The following PPARGC1B variants were observed in gnomAD, a reference collection of about 807,000 sequenced individuals.
PPARGC1B encodes peroxisome proliferator-activated receptor gamma coactivator 1-beta.
PPARGC1B carries 34 observed loss-of-function variants against 101.6 expected under a neutral mutation model. The observed-to-expected ratio is 0.33, with a 90% CI of 0.25 to 0.45. The LOEUF (loss-of-function observed/expected upper bound fraction) is 0.45. Ranked by LOEUF, PPARGC1B falls within the 20% of genes least tolerant of loss-of-function variation. PPARGC1B has a pLI of 1.00. For synonymous variants in PPARGC1B, 548 were observed against 539.3 expected, an observed-to-expected ratio of 1.02 and a Z score of -0.22; for missense variants, 1,234 against 1,317.6, an observed-to-expected ratio of 0.94 and a Z score of 0.98.
At chr5:149,759,410 T>G (rs769060957) in intron 1 of PPARGC1B, among the ~76,000 whole-genome samples, 9 of 152,032 alleles carry the variant, frequency 5.9e-5, no homozygotes, top group Non-Finnish European at 1.3e-4. Context: ...TTGGAGTGGA[T>G]GGGAGGGGTG....
intron 1 of PPARGC1B, among the ~76,000 whole-genome samples, chr5:149,818,133 G>T (rs980915497): frequency 6.6e-6 from 1 of 152,216 alleles, no homozygotes; most frequent in African/African-American, 2.4e-5. Flanking sequence ...TGGGCTTGTG[G>T]GGAGAGCGGT....
chr5:149,799,343 T>C (rs890830272), intron 1 of PPARGC1B, among the ~76,000 whole-genome samples: 1 of 152,160 alleles, frequency 6.6e-6, no homozygotes, highest in African/African-American at 2.4e-5. Flanking sequence ...GATTCTCTGC[T>C]CTCCTCTTCT....
At chr5:149,772,661 T>C (rs1756178945) in intron 1 of PPARGC1B, among the ~76,000 whole-genome samples, 1 of 152,220 alleles carries the variant, frequency 6.6e-6, no homozygotes, top group South Asian at 2.1e-4. Flanking sequence ...GCACCAGTCA[T>C]ATTAAATTAG....
intron 3 of PPARGC1B, among the ~76,000 whole-genome samples, chr5:149,829,160 A>G (rs1561600505): frequency 1.3e-5 from 2 of 151,996 alleles, no homozygotes; most frequent in East Asian, 1.9e-4. Context: ...GGACCTGTGG[A>G]CCTCTGTGTG....
intron 1 of PPARGC1B, among the ~76,000 whole-genome samples, chr5:149,788,839 C>T (rs1756903326): frequency 1.3e-5 from 2 of 152,138 alleles, no homozygotes; most frequent in Non-Finnish European, 2.9e-5. Flanking sequence ...GAAAACCAAA[C>T]ACTGCATGTT....
intron 1 of PPARGC1B, among the ~76,000 whole-genome samples, chr5:149,790,206 T>C (rs970400362): frequency 6.6e-6 from 1 of 152,104 alleles, no homozygotes; most frequent in Non-Finnish European, 1.5e-5. Flanking sequence ...GTGGTGGTGA[T>C]GATAGTGCAG....
intron 1 of PPARGC1B, among the ~76,000 whole-genome samples, chr5:149,765,686 G>C (rs1386296015): frequency 1.3e-5 from 2 of 151,972 alleles, no homozygotes; most frequent in Non-Finnish European, 2.9e-5. Flanking sequence ...GGGAAACTCC[G>C]TGTGTACTAA....
Position 149,826,869 on chromosome 5 carries a change from T to TGGAC in PPARGC1B, c.451_454dup (p.Glu152GlyfsTer21). ...AAGCCCTCGGCCCCAGCCCCTGAGG[T>TGGAC]GGACGAGCTCTCACTGGTAAGAACC... On this transcript the variant is annotated frameshift_variant, in exon 3 of 12. Coordinates refer to ENST00000309241, the MANE Select transcript of PPARGC1B (RefSeq NM_133263.4). LOFTEE classifies it high-confidence loss of function. 1.2e-6 allele frequency: 2 copies of TGGAC among 1,611,502 alleles called. No individual in the cohort carries two copies. Among genetic ancestry groups the TGGAC allele is most frequent in the Non-Finnish European group, 1.7e-6 (2 of 1,178,288 alleles).
At chr5:149,805,417 GAAAT>G (rs1209594479) in intron 1 of PPARGC1B, among the ~76,000 whole-genome samples, 1 of 152,166 alleles carries the variant, frequency 6.6e-6, no homozygotes, top group Non-Finnish European at 1.5e-5. Context: ...GTGTAAGAAA[GAAAT>G]AGAAATATGG....
At chr5:149,775,136 GC>G in intron 1 of PPARGC1B, among the ~76,000 whole-genome samples, 1 of 152,234 alleles carries the variant, frequency 6.6e-6, no homozygotes, top group African/African-American at 2.4e-5. Flanking sequence ...CCTCCTGCCA[GC>G]CCCACATGGC....
At chr5:149,856,021 G>T (rs1165845589), downstream of PPARGC1B, among the ~76,000 whole-genome samples, 2 of 152,152 alleles carry the variant, frequency 1.3e-5, no homozygotes, top group Non-Finnish European at 2.9e-5. Context: ...GGAGGCTGAG[G>T]CAGGAGAATC....
intron 1 of PPARGC1B, among the ~76,000 whole-genome samples, chr5:149,789,543 T>G (rs555476328): frequency 1.7e-4 from 26 of 152,366 alleles, no homozygotes; most frequent in African/African-American, 4.6e-4. Flanking sequence ...ACACTTTTTG[T>G]GTGTTAGGCA....
intron 1 of PPARGC1B, among the ~76,000 whole-genome samples, chr5:149,731,202 C>T (rs1047552758): frequency 1.3e-5 from 2 of 152,154 alleles, no homozygotes; most frequent in Non-Finnish European, 2.9e-5. Flanking sequence ...CCACTGGCGA[C>T]ACGCGCGTGA....
intron 1 of PPARGC1B, among the ~76,000 whole-genome samples, chr5:149,754,077 T>A (rs1755419721): frequency 6.6e-6 from 1 of 152,232 alleles, no homozygotes; most frequent in Non-Finnish European, 1.5e-5. Context: ...TAGAAATGCA[T>A]AAGAAGTGTT....
intron 1 of PPARGC1B, among the ~76,000 whole-genome samples, chr5:149,816,153 A>G (rs948758232): frequency 1.3e-5 from 2 of 152,236 alleles, no homozygotes; most frequent in East Asian, 1.9e-4. Context: ...AGAAATCACT[A>G]TTAATGTGGC....
At chr5:149,778,102 CACACACACAG>C (rs1406164988) in intron 1 of PPARGC1B, among the ~76,000 whole-genome samples, 4,288 of 124,484 alleles carry the variant, frequency 0.034, 622 homozygotes, top group Non-Finnish European at 0.038. Flanking sequence ...CACACACACA[CACACACACAG>C]AGTACCCAGC....
At chr5:149,765,177 C>T (rs572683259) in intron 1 of PPARGC1B, among the ~76,000 whole-genome samples, 47 of 152,354 alleles carry the variant, frequency 3.1e-4, no homozygotes, top group Middle Eastern at 6.8e-3. Context: ...TGACTTGGGT[C>T]AGCTTGTTAA....
At chr5:149,752,294 A>G (rs557891057) in intron 1 of PPARGC1B, among the ~76,000 whole-genome samples, 3 of 152,288 alleles carry the variant, frequency 2.0e-5, no homozygotes, top group South Asian at 2.1e-4. Flanking sequence ...TTTAGAATCT[A>G]TTACTCAGTC....
chr5:149,737,628 C>G (rs1342821005), intron 1 of PPARGC1B, among the ~76,000 whole-genome samples: 1 of 152,214 alleles, frequency 6.6e-6, no homozygotes, highest in African/African-American at 2.4e-5. Context: ...TTGCCAGCTT[C>G]GAGGCCTTTG....
Sources: gnomAD v4.1 joint callset for allele counts (sites outside exome capture counted in the v4.1 genomes callset) on GRCh38, gnomAD v4.1.1 for gene constraint, MANE v1.5 for transcripts, NCBI Gene and HGNC (gene_info 2026-07-23, HGNC 2026-07-21) for gene names.